The following PTPRD variants were observed in gnomAD, a reference collection of about 807,000 sequenced individuals.
The protein encoded by PTPRD is protein tyrosine phosphatase receptor type D.
A neutral mutation model predicts 214.5 loss-of-function variants in PTPRD; 34 were observed. That is an observed-to-expected ratio of 0.16 (90% CI 0.12 to 0.21). PTPRD has a LOEUF of 0.21. Among genes scored for constraint, PTPRD ranks in the 10% least tolerant of loss-of-function variants. The pLI, the probability that PTPRD is intolerant of heterozygous loss-of-function variation, is 1.00. For synonymous variants in PTPRD, 1,128 were observed against 845.7 expected (o/e 1.33, Z -5.79); for missense variants, 2,545 against 2,398.7 (o/e 1.06, Z -1.27).
chr9:8,480,731 A>G (rs1046617700), intron 30 of PTPRD, among the ~76,000 whole-genome samples: 3 of 152,238 alleles, frequency 2.0e-5, no homozygotes, highest in African/African-American at 7.2e-5. Context: ...GTCAAGATCA[A>G]TTAATAAACA....
chr9:9,241,339 G>A (rs948274003), intron 9 of PTPRD, among the ~76,000 whole-genome samples: 4 of 152,086 alleles, frequency 2.6e-5, no homozygotes, highest in African/African-American at 9.7e-5. Context: ...TTATTTGTGA[G>A]TATTCTCATT....
At chr9:8,933,340 G>GTTTTGTTTTT (rs2098966631) in intron 11 of PTPRD, among the ~76,000 whole-genome samples, 2 of 80,430 alleles carry the variant, frequency 2.5e-5, no homozygotes, top group African/African-American at 1.0e-4. Flanking sequence ...CAACCTTGAG[G>GTTTTGTTTTT]TTTTTTTTTT....
At chr9:9,246,444 A>G (rs2131324861) in intron 9 of PTPRD, among the ~76,000 whole-genome samples, 1 of 152,158 alleles carries the variant, frequency 6.6e-6, no homozygotes, top group South Asian at 2.1e-4. Context: ...AGAAAAGTTC[A>G]CCTGATGCAA....
chr9:10,493,122 T>C (rs2040890664), intron 2 of PTPRD, among the ~76,000 whole-genome samples: 3 of 152,174 alleles, frequency 2.0e-5, no homozygotes, highest in Admixed American at 1.3e-4. Flanking sequence ...TGGAAAATCA[T>C]CTCATGCTTA....
intron 3 of PTPRD, among the ~76,000 whole-genome samples, chr9:10,262,395 C>A (rs923862089): frequency 6.6e-6 from 1 of 152,148 alleles, no homozygotes; most frequent in African/African-American, 2.4e-5. Context: ...TAGACTCTGT[C>A]ATCGGTATGT....
intron 11 of PTPRD, among the ~76,000 whole-genome samples, chr9:8,790,965 C>T (rs1160576456): frequency 6.6e-6 from 1 of 152,134 alleles, no homozygotes; most frequent in Non-Finnish European, 1.5e-5. Context: ...ATACAGAACG[C>T]TTTTGTTATT....
intron 5 of PTPRD, among the ~76,000 whole-genome samples, chr9:9,823,141 A>G (rs1454558719): frequency 1.3e-5 from 2 of 152,192 alleles, no homozygotes; most frequent in Non-Finnish European, 2.9e-5. Flanking sequence ...TTGCATTGCT[A>G]TAAAGAAATA....
rs35760756 is a variant in PTPRD, at chr9:8,320,285, C to T, written c.5535-319G>A. 7.8e-3 allele frequency among the ~76,000 whole-genome samples: 1,186 copies of T among 152,118 alleles called. 8 individuals are homozygous for T. The highest frequency in any genetic ancestry group is 0.013 in the Non-Finnish European group (886 of 67,980). On this transcript the variant is annotated intron_variant, in intron 44 of 45. Transcript: ENST00000381196. Reference sequence around the variant, plus strand: ...AAATAACATATAGGTTTATAATATTCATGGAGATTCTGAAATTTACAACCT... The same window carrying T: ...AAATAACATATAGGTTTATAATATTTATGGAGATTCTGAAATTTACAACCT...
intron 14 of PTPRD, among the ~76,000 whole-genome samples, chr9:8,603,326 C>A (rs562228590): frequency 4.6e-5 from 7 of 152,156 alleles, no homozygotes; most frequent in African/African-American, 1.7e-4. Context: ...AGAAAAAAAT[C>A]TAAGTTTTCT....
At chr9:8,514,198 C>A (rs542216115) in intron 21 of PTPRD, among the ~76,000 whole-genome samples, 2 of 152,210 alleles carry the variant, frequency 1.3e-5, no homozygotes, top group East Asian at 1.9e-4. Context: ...CTGTCTACTT[C>A]AACATTACTT....
intron 11 of PTPRD, among the ~76,000 whole-genome samples, chr9:8,826,404 G>A (rs2097176070): frequency 6.6e-6 from 1 of 152,050 alleles, no homozygotes; most frequent in Admixed American, 6.5e-5. Flanking sequence ...AAAGCCCTGA[G>A]CCATCAGACC....
At chr9:10,340,659 G>A (rs1429253990) in intron 3 of PTPRD, among the ~76,000 whole-genome samples, 1 of 151,798 alleles carries the variant, frequency 6.6e-6, no homozygotes, top group Non-Finnish European at 1.5e-5. Flanking sequence ...ATATTTTTGT[G>A]AGGATTAAAT....
intron 4 of PTPRD, among the ~76,000 whole-genome samples, chr9:9,943,139 T>G (rs1028416984): frequency 1.3e-5 from 2 of 152,120 alleles, no homozygotes; most frequent in African/African-American, 2.4e-5. Flanking sequence ...AAACTCAAAA[T>G]GAAGACATAT....
intron 12 of PTPRD, among the ~76,000 whole-genome samples, chr9:8,647,600 A>G (rs2096722561): frequency 6.6e-6 from 1 of 152,220 alleles, no homozygotes; most frequent in Admixed American, 6.5e-5. Flanking sequence ...TTTTGTAATC[A>G]TATCTTTGCA....
At chr9:9,498,610 G>C (rs1006965561) in intron 8 of PTPRD, among the ~76,000 whole-genome samples, 3 of 152,014 alleles carry the variant, frequency 2.0e-5, no homozygotes, top group African/African-American at 7.2e-5. Flanking sequence ...ATTTTATACA[G>C]TGTAAGGAGA....
chr9:10,359,730 T>A (rs941333337), intron 2 of PTPRD, among the ~76,000 whole-genome samples: 3 of 152,176 alleles, frequency 2.0e-5, no homozygotes, highest in African/African-American at 4.8e-5. Flanking sequence ...ATACATTAAC[T>A]CTATAAGTAA....
intron 30 of PTPRD, among the ~76,000 whole-genome samples, chr9:8,481,016 T>C (rs1371025609): frequency 1.3e-5 from 2 of 151,906 alleles, no homozygotes; most frequent in East Asian, 1.9e-4. Flanking sequence ...GGTGGGCTCC[T>C]GTAGTCACAG....
chr9:9,845,844 T>C (rs567735374), intron 5 of PTPRD, among the ~76,000 whole-genome samples: 1 of 152,210 alleles, frequency 6.6e-6, no homozygotes, highest in East Asian at 1.9e-4. Flanking sequence ...TGCAATTAAA[T>C]AGCTAACTGG....
intron 14 of PTPRD, among the ~76,000 whole-genome samples, chr9:8,555,546 A>C (rs916807666): frequency 6.6e-6 from 1 of 152,220 alleles, no homozygotes; most frequent in African/African-American, 2.4e-5. Flanking sequence ...TTAAACACTA[A>C]ATCCAAGTTT....
Sources: allele counts gnomAD v4.1 joint callset (sites outside exome capture counted in the v4.1 genomes callset), GRCh38; gene constraint gnomAD v4.1.1; transcripts MANE v1.5; gene names NCBI Gene and HGNC (gene_info 2026-07-23, HGNC 2026-07-21).